The following GAB2 variants were observed in gnomAD, a reference collection of about 807,000 sequenced individuals.
GAB2 encodes the protein GRB2-associated-binding protein 2.
In GAB2, 26 loss-of-function variants were observed where a neutral mutation model predicts 65.5. The ratio of observed to expected loss-of-function variants is 0.40; its 90% CI spans 0.29 to 0.55. GAB2 has a LOEUF of 0.55. Among genes scored for constraint, GAB2 ranks in the 20% least tolerant of loss-of-function variants. The pLI is 0.53. For synonymous variants in GAB2, 321 were observed against 329.6 expected (o/e 0.97, Z 0.28); for missense variants, 884 against 875.8 (o/e 1.01, Z -0.12).
At chr11:78,383,897 C>T (rs1428715791) in intron 1 of GAB2, among the ~76,000 whole-genome samples, 8 of 152,268 alleles carry the variant, frequency 5.3e-5, no homozygotes, top group Non-Finnish European at 8.8e-5. Context: ...GAACTTTACT[C>T]GCCAGGCATT....
rs1316406283 is a variant in GAB2 at position 78,215,623 on chromosome 11, C to CTAGATTTCAAGACACAAGT, written c.*3630_*3648dup. The CTAGATTTCAAGACACAAGT allele has an allele frequency of 5.3e-5, 8 of 152,314 alleles. No individual in the cohort carries two copies. The highest frequency in any genetic ancestry group is 1.7e-4 in the African/African-American group (7 of 41,460). 9.4% of individuals were successfully genotyped at this position (152,314 alleles called of 1,614,324 possible). On this transcript the variant is annotated 3_prime_UTR_variant, in exon 10 of 10. Transcript: ENST00000361507. ...AGTGACAATTCTGCGTGAAATAATT[C>CTAGATTTCAAGACACAAGT]TAGATTTCAAGACACAAGTAGCCAA...
Position 78,217,173 on chromosome 11 carries a change from G to C in GAB2, c.*2099C>G, listed in dbSNP as rs959338019. 1.3e-5 allele frequency: 2 copies of C among 152,352 alleles called. No homozygotes were observed. Among genetic ancestry groups the C allele is most frequent in the African/African-American group, 4.8e-5 (2 of 41,372 alleles). 9.4% of individuals were successfully genotyped at this position (152,352 alleles called of 1,614,324 possible). Reference sequence around the variant, plus strand: ...CTGCCTCTGACACCAACCTCCCTAAGTACTTCCTCTGCCCTCCATCAGCAT... The same window carrying C: ...CTGCCTCTGACACCAACCTCCCTAACTACTTCCTCTGCCCTCCATCAGCAT... On this transcript the variant is annotated 3_prime_UTR_variant, in exon 10 of 10. Coordinates refer to ENST00000361507, the MANE Select transcript of GAB2 (RefSeq NM_080491.3).
At chr11:78,317,886 A>G (rs766078171) in intron 1 of GAB2, among the ~76,000 whole-genome samples, 19 of 152,196 alleles carry the variant, frequency 1.2e-4, no homozygotes, top group Non-Finnish European at 2.1e-4. Context: ...AGATTAAACT[A>G]CATTACATTT....
At chr11:78,407,845 C>T (rs1857075101) in intron 1 of GAB2, among the ~76,000 whole-genome samples, 1 of 151,924 alleles carries the variant, frequency 6.6e-6, no homozygotes, top group African/African-American at 2.4e-5. Flanking sequence ...ATTGGAAAGA[C>T]CATGGATTTT....
At chr11:78,370,244 G>A (rs1180521901) in intron 1 of GAB2, among the ~76,000 whole-genome samples, 7 of 121,024 alleles carry the variant, frequency 5.8e-5, no homozygotes, top group Admixed American at 8.9e-5. Context: ...GCGACAGAGC[G>A]AGACTCCGTC....
intron 1 of GAB2, among the ~76,000 whole-genome samples, chr11:78,355,680 T>TTAAA (rs1554993324): frequency 7.6e-5 from 6 of 79,142 alleles, no homozygotes; most frequent in African/African-American, 3.4e-4. Context: ...CTGTCTCACT[T>TTAAA]AAAAAAAAAA....
Position 78,273,400 on chromosome 11 carries a change from G to A in GAB2, c.376+7201C>T, listed in dbSNP as rs186567377. On this transcript the variant is annotated intron_variant, in intron 2 of 9. Transcript: ENST00000361507. The stretch of plus-strand genomic sequence containing the variant: ...CAGTGTGACCTGAATGTGAAACAGG[G>A]AGTCAAAGGAGATCATTTTGGAGCT... 3.3e-5 allele frequency among the ~76,000 whole-genome samples: 5 copies of A among 151,632 alleles called. No individual in the cohort carries two copies. The South Asian group carries it at 1.0e-3, about 32-fold the overall frequency.
In GAB2 at chr11:78,402,833, T is replaced by A. The variant is rs1422681750; in HGVS notation, c.75+14813A>T. Among the ~76,000 whole-genome samples the A allele has an allele frequency of 2.0e-5, 3 of 152,114 alleles. No individual in the cohort carries two copies. In the East Asian group the frequency reaches 5.8e-4, roughly 29 times the overall value. Reference sequence around the variant, plus strand: ...TGAACTGCATGCTTCTGCCTCACAATGCCCCAGCCCGCCCCACCACCCCAA... The same window carrying A: ...TGAACTGCATGCTTCTGCCTCACAAAGCCCCAGCCCGCCCCACCACCCCAA... On this transcript the variant is annotated intron_variant, in intron 1 of 9. Coordinates refer to ENST00000361507, the MANE Select transcript of GAB2 (RefSeq NM_080491.3).
At chr11:78,222,391 A>G (rs1047035199) in intron 6 of GAB2, among the ~76,000 whole-genome samples, 196 bp from the exon 7 acceptor site, 1 of 152,104 alleles carries the variant, frequency 6.6e-6, no homozygotes, top group Non-Finnish European at 1.5e-5. Flanking sequence ...TTCAGATTCC[A>G]AATTATATAT....
At chr11:78,331,278 G>A (rs181033821) in intron 1 of GAB2, among the ~76,000 whole-genome samples, 3 of 141,944 alleles carry the variant, frequency 2.1e-5, no homozygotes, top group Admixed American at 7.2e-5. Flanking sequence ...ATGGAGTCTC[G>A]CTCTGTTGCC....
At chr11:78,405,481 C>T (rs556258941) in intron 1 of GAB2, among the ~76,000 whole-genome samples, 2 of 152,102 alleles carry the variant, frequency 1.3e-5, no homozygotes, top group African/African-American at 4.8e-5. Flanking sequence ...AAGCTCTGTG[C>T]TCAGTTTCTC....
At chr11:78,286,893 G>A (rs572440825) in intron 1 of GAB2, among the ~76,000 whole-genome samples, 1 of 152,166 alleles carries the variant, frequency 6.6e-6, no homozygotes, top group Non-Finnish European at 1.5e-5. Context: ...GAGAATACGG[G>A]ACATGAGTCC....
At chr11:78,305,888 C>A (rs1187262619) in intron 1 of GAB2, among the ~76,000 whole-genome samples, 1 of 152,140 alleles carries the variant, frequency 6.6e-6, no homozygotes, top group Non-Finnish European at 1.5e-5. Flanking sequence ...GCAAGCATTG[C>A]CCATGCTCAA....
chr11:78,336,947 T>TAG (rs1166599920), intron 1 of GAB2, among the ~76,000 whole-genome samples: 2 of 152,220 alleles, frequency 1.3e-5, no homozygotes, highest in African/African-American at 2.4e-5. Flanking sequence ...TAAAATATCA[T>TAG]AGTAAAGGGA....
At chr11:78,224,961 C>T (rs1864579766) in intron 5 of GAB2, 147 bp downstream of exon 5, 13 of 609,156 alleles carry the variant, frequency 2.1e-5, no homozygotes, top group Non-Finnish European at 3.2e-5. Context: ...AGACTCAACG[C>T]AGGGTTCTGA....
At chr11:78,288,086 T>C (rs969538024) in intron 1 of GAB2, among the ~76,000 whole-genome samples, 1 of 151,578 alleles carries the variant, frequency 6.6e-6, no homozygotes, top group Non-Finnish European at 1.5e-5. Context: ...ATTATCTATA[T>C]AGAAAAATCG....
At chr11:78,242,619 T>C (rs951163749) in intron 3 of GAB2, among the ~76,000 whole-genome samples, 2 of 152,136 alleles carry the variant, frequency 1.3e-5, no homozygotes, top group African/African-American at 4.8e-5. Flanking sequence ...TAGAGAAGTT[T>C]ATGGCAATAA....
At chr11:78,288,758 C>T (rs948757948) in intron 1 of GAB2, among the ~76,000 whole-genome samples, 8 of 152,152 alleles carry the variant, frequency 5.3e-5, no homozygotes, top group South Asian at 2.1e-4. Context: ...CCCAAACTGA[C>T]GTACAGATTT....
chr11:78,238,288 G>T (rs3102742), intron 3 of GAB2, among the ~76,000 whole-genome samples: 23,211 of 150,650 alleles, frequency 0.15, 2,315 homozygotes, highest in East Asian at 0.39. Flanking sequence ...AGCACTTTGG[G>T]AAGCTAATGT....
Sources: gnomAD v4.1 joint callset for allele counts (sites outside exome capture counted in the v4.1 genomes callset) on GRCh38, gnomAD v4.1.1 for gene constraint, MANE v1.5 for transcripts, NCBI Gene and HGNC (gene_info 2026-07-23, HGNC 2026-07-21) for gene names.